RHOJ: variants seen among roughly 807,000 people sequenced by gnomAD.
RHOJ encodes ras homolog family member J.
RHOJ carries 11 observed loss-of-function variants against 23.4 expected under a neutral mutation model. The ratio of observed to expected loss-of-function variants is 0.47; its 90% CI spans 0.30 to 0.78. RHOJ has a LOEUF of 0.78. Ranked by LOEUF, RHOJ falls within the 30% of genes least tolerant of loss-of-function variation. The probability of loss-of-function intolerance (pLI) is 0.08; values close to 1 mark genes in which losing one functional copy is unlikely to be tolerated. For synonymous variants in RHOJ, 102 were observed against 102.7 expected (o/e 0.99, Z 0.04); for missense variants, 254 against 273.4 (o/e 0.93, Z 0.50).
intron 1 of RHOJ, among the ~76,000 whole-genome samples, chr14:63,207,589 T>G (rs562856643): frequency 6.6e-6 from 1 of 152,194 alleles, no homozygotes; most frequent in Non-Finnish European, 1.5e-5. Flanking sequence ...ATTTAAGTCA[T>G]AGAGAGCCTA....
At chr14:63,218,221 G>A (rs2139734266) in intron 1 of RHOJ, among the ~76,000 whole-genome samples, 1 of 152,184 alleles carries the variant, frequency 6.6e-6, no homozygotes, top group South Asian at 2.1e-4. Context: ...AGACCACATG[G>A]CACCTAATTA....
chr14:63,225,246 C>T (rs565607504), intron 1 of RHOJ, among the ~76,000 whole-genome samples: 27 of 152,234 alleles, frequency 1.8e-4, no homozygotes, highest in African/African-American at 2.4e-5. Flanking sequence ...CCACCATGCC[C>T]GGCCTCATTC....
At chr14:63,237,491 GTCTT>G (rs1370351618) in intron 1 of RHOJ, among the ~76,000 whole-genome samples, 1 of 152,092 alleles carries the variant, frequency 6.6e-6, no homozygotes. Context: ...GCTCTTGAAA[GTCTT>G]TATCATTTCT....
chr14:63,217,739 C>A (rs1036366929), intron 1 of RHOJ, among the ~76,000 whole-genome samples: 4 of 152,146 alleles, frequency 2.6e-5, no homozygotes, highest in African/African-American at 9.7e-5. Flanking sequence ...AAACTACCAT[C>A]AGAGTGAACA....
chr14:63,256,884 G>C (rs58021284), intron 1 of RHOJ, among the ~76,000 whole-genome samples: 48,253 of 151,744 alleles, frequency 0.32, 12,816 homozygotes, highest in African/African-American at 0.73. Context: ...CCAGCCTGAC[G>C]AACATGGTGA....
chr14:63,266,198 G>C (rs557661155), intron 1 of RHOJ, among the ~76,000 whole-genome samples: 1 of 152,150 alleles, frequency 6.6e-6, no homozygotes, highest in Non-Finnish European at 1.5e-5. Context: ...TTCAAGGCTT[G>C]TTCTCTTTCA....
At chr14:63,222,377 C>T (rs1383561719) in intron 1 of RHOJ, among the ~76,000 whole-genome samples, 1 of 152,084 alleles carries the variant, frequency 6.6e-6, no homozygotes, top group Non-Finnish European at 1.5e-5. Context: ...ATTTCTAGTT[C>T]TAGATCCCTG....
intron 1 of RHOJ, among the ~76,000 whole-genome samples, chr14:63,247,572 AAACTATC>A (rs1225786485): frequency 2.6e-4 from 39 of 152,304 alleles, no homozygotes; most frequent in African/African-American, 8.9e-4. Flanking sequence ...TAACAAATGC[AAACTATC>A]CTTATTCCCA....
rs1292717284 is a variant in RHOJ, at chr14:63,291,383, A to G, written c.*359A>G. The G allele has an allele frequency of 6.6e-6, 2 of 303,846 alleles. No homozygotes were observed. Among genetic ancestry groups the G allele is most frequent in the African/African-American group, 2.2e-5 (1 of 45,400 alleles). 18.8% of individuals were successfully genotyped at this position (303,846 alleles called of 1,614,324 possible). ...TCACCCCAGGGAACCCGAAAAAGAA[A>G]CTTGATTCCTCTATTGCTGGCCTTA... On this transcript the variant is annotated 3_prime_UTR_variant, in exon 5 of 5. Transcript: ENST00000316754.
chr14:63,269,758 G>A (rs1022780137), intron 2 of RHOJ, among the ~76,000 whole-genome samples: 2 of 152,180 alleles, frequency 1.3e-5, no homozygotes, highest in Admixed American at 1.3e-4. Context: ...ACTTTGTCAG[G>A]ACTGTTTCTT....
intron 1 of RHOJ, among the ~76,000 whole-genome samples, chr14:63,252,352 T>C (rs928053226): frequency 5.3e-5 from 8 of 152,322 alleles, no homozygotes; most frequent in African/African-American, 1.7e-4. Flanking sequence ...GTCAAATAAT[T>C]AGAGGTCTGT....
At chr14:63,239,246 G>C (rs1452938780) in intron 1 of RHOJ, among the ~76,000 whole-genome samples, 1 of 152,068 alleles carries the variant, frequency 6.6e-6, no homozygotes, top group East Asian at 1.9e-4. Flanking sequence ...TGAGTAGCTG[G>C]AACTACAGAT....
At chr14:63,263,575 C>T (rs955210350) in intron 1 of RHOJ, among the ~76,000 whole-genome samples, 3 of 152,158 alleles carry the variant, frequency 2.0e-5, no homozygotes, top group Admixed American at 6.5e-5. Context: ...AGCTCTGCCC[C>T]CTCTTTTTAG....
chr14:63,261,598 A>AT (rs113442479), intron 1 of RHOJ, among the ~76,000 whole-genome samples: 7,588 of 137,810 alleles, frequency 0.055, 585 homozygotes, highest in African/African-American at 0.18. Context: ...TGCCCAGCTA[A>AT]TTTTTTTTTT....
intron 1 of RHOJ, among the ~76,000 whole-genome samples, chr14:63,238,662 T>A (rs531530820): frequency 1.2e-3 from 183 of 152,240 alleles, no homozygotes; most frequent in African/African-American, 4.2e-3. Context: ...GCTCAAGCAA[T>A]CTGCCCACCT....
chr14:63,206,649 G>A (rs1156864513), intron 1 of RHOJ, among the ~76,000 whole-genome samples: 1 of 151,970 alleles, frequency 6.6e-6, no homozygotes, highest in Admixed American at 6.6e-5. Context: ...GTTACAGTAT[G>A]GTATCAGGAA....
chr14:63,235,159 T>C (rs1439129357), intron 1 of RHOJ, among the ~76,000 whole-genome samples: 1 of 151,804 alleles, frequency 6.6e-6, no homozygotes, highest in African/African-American at 2.4e-5. Context: ...ATCAAAACTA[T>C]TACTGGTCCG....
intron 3 of RHOJ, among the ~76,000 whole-genome samples, chr14:63,281,765 C>A (rs903424281): frequency 6.6e-6 from 1 of 152,074 alleles, no homozygotes; most frequent in Non-Finnish European, 1.5e-5. Flanking sequence ...AGTAGTAAGC[C>A]AATCACATCA....
chr14:63,209,452 A>C (rs945419122), intron 1 of RHOJ, among the ~76,000 whole-genome samples: 2 of 151,984 alleles, frequency 1.3e-5, no homozygotes, highest in African/African-American at 2.4e-5. Context: ...TCCCTTGAAG[A>C]GTTTGTACTT....
Sources: allele counts gnomAD v4.1 joint callset (sites outside exome capture counted in the v4.1 genomes callset), GRCh38; gene constraint gnomAD v4.1.1; transcripts MANE v1.5; gene names NCBI Gene and HGNC (gene_info 2026-07-23, HGNC 2026-07-21).